Variants in RAI14 observed in about 807,000 individuals in gnomAD.
The protein encoded by RAI14 is ankycorbin.
Under a neutral mutation model 115.4 loss-of-function variants are expected in RAI14, and 45 were observed. The ratio of observed to expected loss-of-function variants is 0.39; its 90% CI spans 0.31 to 0.50. The LOEUF (loss-of-function observed/expected upper bound fraction) is 0.50, where lower values mean the gene tolerates loss of function less well. Ranked by LOEUF, RAI14 falls within the 20% of genes least tolerant of loss-of-function variation. The pLI is 0.85. For synonymous variants in RAI14, 371 were observed against 415.4 expected, an observed-to-expected ratio of 0.89 and a Z score of 1.30; for missense variants, 939 against 1,131.2, an observed-to-expected ratio of 0.83 and a Z score of 2.44.
intron 2 of RAI14, among the ~76,000 whole-genome samples, chr5:34,702,853 T>C (rs887979505): frequency 6.6e-6 from 1 of 152,180 alleles, no homozygotes; most frequent in Admixed American, 6.5e-5. Flanking sequence ...ATTACAGGCA[T>C]GCGCCACCAT....
intron 17 of RAI14, 26 bp from the exon 18 acceptor site, chr5:34,830,662 G>T: frequency 1.2e-6 from 2 of 1,613,834 alleles, no homozygotes; most frequent in South Asian, 2.2e-5. Flanking sequence ...AGGTTCTAAT[G>T]AGTATCTTGT....
intron 2 of RAI14, among the ~76,000 whole-genome samples, chr5:34,740,234 C>G (rs961377774): frequency 2.6e-5 from 4 of 152,200 alleles, no homozygotes; most frequent in Admixed American, 2.6e-4. Flanking sequence ...ATTGTTTTAA[C>G]AATAAATAGA....
chr5:34,712,544 A>G (rs948453917), intron 2 of RAI14, among the ~76,000 whole-genome samples: 11 of 152,190 alleles, frequency 7.2e-5, no homozygotes, highest in African/African-American at 2.7e-4. Flanking sequence ...ATACTTTCCT[A>G]CTTTTCAAGT....
chr5:34,771,435 C>T (rs1457980257), intron 3 of RAI14, among the ~76,000 whole-genome samples: 1 of 152,128 alleles, frequency 6.6e-6, no homozygotes, highest in Non-Finnish European at 1.5e-5. Context: ...AATGAATATG[C>T]CTGAGAAATT....
intron 4 of RAI14, among the ~76,000 whole-genome samples, chr5:34,798,143 C>T (rs974622078): frequency 1.3e-5 from 2 of 152,178 alleles, no homozygotes; most frequent in African/African-American, 4.8e-5. Flanking sequence ...TCAAGTGACT[C>T]TCCTGCCTCA....
In RAI14 at chr5:34,757,530, G is replaced by C; in HGVS notation, c.99G>C (p.Glu33Asp). ...AGGCCGTGGAGAATGGAGATGCGGAGAAGGTGGCCTCACTGCTCGGCAAGA... is the reference window on the plus strand; with the variant it reads ...AGGCCGTGGAGAATGGAGATGCGGACAAGGTGGCCTCACTGCTCGGCAAGA... ...LLQAVENGDA[E>D]KVASLLGKKG... Residue 33 changes from glutamate (E) to aspartate (D), a missense_variant, in exon 3 of 18, where the codon GAG becomes GAC. Physicochemically the swap from Glu to Asp is conservative, Grantham distance 45 (BLOSUM62 2). Coordinates refer to ENST00000265109, the MANE Select transcript of RAI14 (RefSeq NM_015577.3). The C allele has an allele frequency of 5.0e-6, 8 of 1,613,996 alleles. No homozygotes were observed. The highest frequency in any genetic ancestry group is 5.9e-6 in the Non-Finnish European group (7 of 1,179,994).
intron 1 of RAI14, among the ~76,000 whole-genome samples, chr5:34,683,767 G>A (rs1294286151): frequency 5.3e-5 from 8 of 150,928 alleles, no homozygotes; most frequent in African/African-American, 1.9e-4. Flanking sequence ...TCACTCTGTC[G>A]CCCAGGGTGG....
rs1579862193 is a variant in RAI14, at chr5:34,669,164, G to A, written c.-49+12689G>A. Reference sequence around the variant, plus strand: ...GCCACCACACCCAGCCAGTAATTAGGTTCTTTCTGTGCTATACAACTTTTC... The same window carrying A: ...GCCACCACACCCAGCCAGTAATTAGATTCTTTCTGTGCTATACAACTTTTC... On this transcript the variant is annotated intron_variant, in intron 1 of 17. Coordinates refer to ENST00000265109, the MANE Select transcript of RAI14 (RefSeq NM_015577.3). 2.0e-5 allele frequency among the ~76,000 whole-genome samples: 3 copies of A among 152,168 alleles called. No individual in the cohort carries two copies. The East Asian group carries it at 5.8e-4, about 29-fold the overall frequency.
intron 2 of RAI14, among the ~76,000 whole-genome samples, chr5:34,738,537 G>A (rs1193139090): frequency 6.6e-6 from 1 of 152,192 alleles, no homozygotes; most frequent in East Asian, 1.9e-4. Context: ...TTTGCTTGGT[G>A]TGCTGTTGGT....
At chr5:34,729,148 G>A (rs1293006884) in intron 2 of RAI14, among the ~76,000 whole-genome samples, 2 of 152,184 alleles carry the variant, frequency 1.3e-5, no homozygotes, top group East Asian at 3.9e-4. Context: ...TTTGAGCCCA[G>A]GAGTTCAGAA....
chr5:34,826,223 AGTCC>A, intron 15 of RAI14, 103 bp from the exon 16 acceptor site: 1 of 1,035,192 alleles, frequency 9.7e-7, no homozygotes, highest in Admixed American at 2.6e-5. Context: ...CAAAGTCTTA[AGTCC>A]CAGAGGCCAA....
At chr5:34,672,865 G>A (rs1001379502) in intron 1 of RAI14, among the ~76,000 whole-genome samples, 10 of 149,550 alleles carry the variant, frequency 6.7e-5, no homozygotes, top group East Asian at 5.9e-4. Context: ...CTTCCCCACC[G>A]TCTGTCCTTC....
At chr5:34,706,268 A>G (rs1038307113) in intron 2 of RAI14, among the ~76,000 whole-genome samples, 25 of 152,280 alleles carry the variant, frequency 1.6e-4, no homozygotes, top group Admixed American at 4.6e-4. Flanking sequence ...CATATAATTC[A>G]GTTTTCCTTA....
intron 2 of RAI14, among the ~76,000 whole-genome samples, chr5:34,702,584 A>G (rs1740209978): frequency 6.6e-6 from 1 of 152,240 alleles, no homozygotes; most frequent in Admixed American, 6.5e-5. Context: ...AATCAAGCCC[A>G]TTATGGACCC....
intron 1 of RAI14, among the ~76,000 whole-genome samples, chr5:34,684,026 CG>C (rs1744603158): frequency 6.6e-6 from 1 of 152,202 alleles, no homozygotes; most frequent in Admixed American, 6.5e-5. Flanking sequence ...CGTGCCCGGC[CG>C]GCGATTTCCA....
At position 34,809,018 on chromosome 5, in the gene RAI14, A is replaced by G. The variant is rs143819811; in HGVS notation, c.450+364A>G. Among the ~76,000 whole-genome samples, 13 of 152,296 alleles carry G rather than the reference A, an allele frequency of 8.5e-5. No homozygotes were observed. The East Asian group carries it at 2.5e-3, about 29-fold the overall frequency. Reference sequence around the variant, plus strand: ...AGATCCTAACAGGCCACAGACTGGTACTGATCTGCAGCCCCTGGGTTGGGT... The same window carrying G: ...AGATCCTAACAGGCCACAGACTGGTGCTGATCTGCAGCCCCTGGGTTGGGT... On this transcript the variant is annotated intron_variant, in intron 7 of 17. Transcript: ENST00000265109.
At chr5:34,749,263 C>G (rs1045677929) in intron 2 of RAI14, among the ~76,000 whole-genome samples, 1 of 152,208 alleles carries the variant, frequency 6.6e-6, no homozygotes, top group Non-Finnish European at 1.5e-5. Context: ...AGGCACAGAA[C>G]AAGAGCATTC....
At chr5:34,742,342 C>A (rs1561299012) in intron 2 of RAI14, among the ~76,000 whole-genome samples, 1 of 152,068 alleles carries the variant, frequency 6.6e-6, no homozygotes, top group Non-Finnish European at 1.5e-5. Context: ...TAAATACAGG[C>A]GTGGTTAATA....
chr5:34,810,074 C>T (rs925101611), intron 7 of RAI14, among the ~76,000 whole-genome samples: 3 of 152,166 alleles, frequency 2.0e-5, no homozygotes, highest in Non-Finnish European at 2.9e-5. Flanking sequence ...AGTATAACTT[C>T]ACAGAGATAG....
Sources: gnomAD v4.1 joint callset for allele counts (sites outside exome capture counted in the v4.1 genomes callset) on GRCh38, gnomAD v4.1.1 for gene constraint, MANE v1.5 for transcripts, NCBI Gene and HGNC (gene_info 2026-07-23, HGNC 2026-07-21) for gene names.